ABLIM3: variants seen among roughly 807,000 people sequenced by gnomAD.
ABLIM3 encodes the protein actin-binding LIM protein 3.
A neutral mutation model predicts 109.5 loss-of-function variants in ABLIM3; 61 were observed. The ratio of observed to expected loss-of-function variants is 0.56; its 90% CI spans 0.45 to 0.69. The LOEUF (loss-of-function observed/expected upper bound fraction) is 0.69. ABLIM3 is among the 30% of genes least tolerant of loss of function. The pLI, the probability that ABLIM3 is intolerant of heterozygous loss-of-function variation, is 0.00. For synonymous variants in ABLIM3, 300 were observed against 324.8 expected, an observed-to-expected ratio of 0.92 and a Z score of 0.82; for missense variants, 796 against 889.5, an observed-to-expected ratio of 0.89 and a Z score of 1.34.
intron 5 of ABLIM3, among the ~76,000 whole-genome samples, chr5:149,202,794 G>A (rs1312129958): frequency 2.0e-5 from 3 of 152,018 alleles, no homozygotes; most frequent in Non-Finnish European, 4.4e-5. Context: ...TTTCCTCACC[G>A]ACCTCACTGA....
chr5:149,196,290 T>A (rs1446470710), intron 3 of ABLIM3, among the ~76,000 whole-genome samples: 1 of 152,258 alleles, frequency 6.6e-6, no homozygotes, highest in Admixed American at 6.5e-5. Flanking sequence ...TTAACCTGGC[T>A]GCTTTTGCAA....
intron 8 of ABLIM3, among the ~76,000 whole-genome samples, chr5:149,225,982 GTATATATATATATA>G (rs58844908): frequency 0.015 from 663 of 45,442 alleles, 8 homozygotes; most frequent in Middle Eastern, 0.071. Context: ...GTGTGTGTGT[GTATATATATATATA>G]TATATATATA....
At chr5:149,242,678 AC>A in intron 15 of ABLIM3, 140 bp downstream of exon 15, 1 of 863,980 alleles carries the variant, frequency 1.2e-6, no homozygotes, top group Non-Finnish European at 1.9e-6. Flanking sequence ...CTGCCCCATC[AC>A]CCAGGGTGAC....
chr5:149,199,497 G>A (rs1304264686), intron 4 of ABLIM3, among the ~76,000 whole-genome samples: 1 of 152,146 alleles, frequency 6.6e-6, no homozygotes, highest in Non-Finnish European at 1.5e-5. Context: ...GGGTTCCTAT[G>A]GTACAAGATG....
intron 17 of ABLIM3, 99 bp downstream of exon 17, chr5:149,246,645 T>G (rs371146759): frequency 5.3e-6 from 7 of 1,328,884 alleles, no homozygotes; most frequent in East Asian, 2.5e-5. Flanking sequence ...AGCCCACTTA[T>G]GATAGAAAAA....
chr5:149,212,110 G>A (rs375142300), intron 7 of ABLIM3, among the ~76,000 whole-genome samples: 5 of 152,312 alleles, frequency 3.3e-5, no homozygotes, highest in African/African-American at 1.2e-4. Flanking sequence ...TTTATACTCA[G>A]TGCAATGGAA....
rs375812213 is a variant in ABLIM3 at position 149,247,197 on chromosome 5, C to T, written c.1552-585C>T. On this transcript the variant is annotated intron_variant, in intron 17 of 23. Coordinates refer to ENST00000309868, the MANE Select transcript of ABLIM3 (RefSeq NM_014945.5). ...TATGCTTAAGAAAAGAAGCCAGACACAAGGTCGCATATTGTGTGATTCCAT... is the reference window on the plus strand; with the variant it reads ...TATGCTTAAGAAAAGAAGCCAGACATAAGGTCGCATATTGTGTGATTCCAT... Among the ~76,000 whole-genome samples the T allele has an allele frequency of 2.5e-4, 38 of 152,298 alleles. No homozygotes were observed. The East Asian group carries it at 4.2e-3, about 17-fold the overall frequency.
In ABLIM3 at chr5:149,198,081, C is replaced by T; in HGVS notation, c.152-138C>T. The T allele has an allele frequency of 3.0e-6, 2 of 669,188 alleles. No individual in the cohort carries two copies. Among genetic ancestry groups the T allele is most frequent in the Non-Finnish European group, 5.1e-6 (2 of 388,846 alleles). The allele number at this position is 669,188 out of a possible 1,614,324, so 41.5% of individuals were successfully genotyped here. On this transcript the variant is annotated intron_variant, in intron 3 of 23. Coordinates refer to ENST00000309868, the MANE Select transcript of ABLIM3 (RefSeq NM_014945.5). The surrounding 1 kb of genome is among the most constrained non-coding windows in gnomAD (Gnocchi z 4.2). Reference sequence around the variant, plus strand: ...CTTTAAGGAATACTGGCCCCAAAGGCCTGTGAAGTCTGACATGCTACCATT... The same window carrying T: ...CTTTAAGGAATACTGGCCCCAAAGGTCTGTGAAGTCTGACATGCTACCATT...
At chr5:149,227,070 C>CAAAAAA (rs70973514) in intron 8 of ABLIM3, among the ~76,000 whole-genome samples, 3 of 96,284 alleles carry the variant, frequency 3.1e-5, no homozygotes, top group South Asian at 3.3e-4. Context: ...AACTCCATCT[C>CAAAAAA]AAAAAAAAAA....
chr5:149,229,122 C>T (rs550191711), intron 8 of ABLIM3, among the ~76,000 whole-genome samples: 5 of 152,154 alleles, frequency 3.3e-5, no homozygotes, highest in Admixed American at 6.5e-5. Context: ...AGAGAGGAAC[C>T]GGAAACGCTC....
rs58844908 is a variant in ABLIM3 at position 149,225,982 on chromosome 5, GTATATATATATATATATATATA to G, written c.758-4643_758-4622del. Among the ~76,000 whole-genome samples, 14 of 45,522 alleles carry G rather than the reference GTATATATATATATATATATATA, an allele frequency of 3.1e-4. No homozygotes were observed. In the East Asian group the frequency reaches 3.6e-3, roughly 12 times the overall value. The allele number at this position is 45,522 out of a possible 152,430, so 29.9% of individuals were successfully genotyped here. A position where few individuals can be genotyped will look rare whatever the true frequency, so the allele number is the denominator to read the frequency against. On this transcript the variant is annotated intron_variant, in intron 8 of 23. Transcript: ENST00000309868. ...TATGTGTGTGTGTGTGTGTGTGTGT[GTATATATATATATATATATATA>G]TATATATATATATATATATATATCA...
chr5:149,164,886 A>G (rs1377965612), intron 2 of ABLIM3, among the ~76,000 whole-genome samples: 1 of 152,250 alleles, frequency 6.6e-6, no homozygotes, highest in African/African-American at 2.4e-5. Context: ...AGTAATTAAC[A>G]GCCTGGACTC....
chr5:149,226,627 A>G (rs1761312426), intron 8 of ABLIM3, among the ~76,000 whole-genome samples: 1 of 152,206 alleles, frequency 6.6e-6, no homozygotes, highest in Admixed American at 6.5e-5. Flanking sequence ...GACCTGCAGT[A>G]TCTAAAAACC....
At chr5:149,172,322 AC>A (rs1755515212) in intron 2 of ABLIM3, among the ~76,000 whole-genome samples, 1 of 152,194 alleles carries the variant, frequency 6.6e-6, no homozygotes, top group Admixed American at 6.5e-5. Flanking sequence ...TGACTATGAA[AC>A]TTTTGTTTCA....
intron 2 of ABLIM3, among the ~76,000 whole-genome samples, chr5:149,155,093 C>G (rs564001450): frequency 2.0e-5 from 3 of 152,116 alleles, no homozygotes; most frequent in Non-Finnish European, 4.4e-5. Flanking sequence ...AGGTAAATTG[C>G]CTGGATAAAG....
At chr5:149,221,760 G>A (rs898989413) in intron 8 of ABLIM3, among the ~76,000 whole-genome samples, 2 of 152,072 alleles carry the variant, frequency 1.3e-5, no homozygotes, top group African/African-American at 4.8e-5. Context: ...AAATCCCAAA[G>A]GTTGCAGTTA....
intron 2 of ABLIM3, among the ~76,000 whole-genome samples, chr5:149,151,691 T>G (rs991737910): frequency 1.3e-5 from 2 of 152,266 alleles, no homozygotes; most frequent in African/African-American, 2.4e-5. Context: ...TAATTTAGTA[T>G]GTCCACAGCC....
At chr5:149,165,528 A>G (rs1434551717) in intron 2 of ABLIM3, among the ~76,000 whole-genome samples, 1 of 152,212 alleles carries the variant, frequency 6.6e-6, no homozygotes, top group African/African-American at 2.4e-5. Flanking sequence ...ACCAAAACCC[A>G]GTTCCAACTA....
intron 5 of ABLIM3, among the ~76,000 whole-genome samples, chr5:149,201,016 A>G (rs1012849384): frequency 6.6e-6 from 1 of 152,146 alleles, no homozygotes; most frequent in African/African-American, 2.4e-5. Flanking sequence ...TGTTCCTGAG[A>G]TTCAGAACCA....
Sources: gnomAD v4.1 joint callset for allele counts (sites outside exome capture counted in the v4.1 genomes callset) on GRCh38, gnomAD v4.1.1 for gene constraint, Gnocchi (gnomAD v3.1) non-coding constraint, MANE v1.5 for transcripts, NCBI Gene and HGNC (gene_info 2026-07-23, HGNC 2026-07-21) for gene names.